Variants in DNMT3A observed in about 807,000 individuals in gnomAD.
DNMT3A encodes the protein DNA (cytosine-5)-methyltransferase 3A.
Under a neutral mutation model 117.6 loss-of-function variants are expected in DNMT3A, and 267 were observed. The ratio of observed to expected loss-of-function variants is 2.27; its 90% confidence interval spans 2.05 to 2.51. DNMT3A has a LOEUF of 2.51. Ranked by LOEUF, DNMT3A falls within the 30% of genes most tolerant of loss-of-function variation. The pLI is 0.00. For missense variants in DNMT3A, 1,029 were observed against 1,260.2 expected (o/e 0.82, Z 2.78); for synonymous variants, 432 against 474.8 (o/e 0.91, Z 1.17).
intron 1 of DNMT3A, among the ~76,000 whole-genome samples, chr2:25,319,166 C>G (rs561719419): frequency 1.3e-5 from 2 of 151,544 alleles, no homozygotes; most frequent in Admixed American, 6.6e-5. Context: ...AGGTGCCCAC[C>G]ACCACACCCG....
rs747889684 is a variant in DNMT3A at position 25,244,169 on chromosome 2, G to C, written c.1837C>G (p.His613Asp). The change falls in exon 15 of 23, where the codon CAC becomes GAC. Residue 613 changes from histidine to aspartate, a missense_variant. His to Asp is a moderately conservative substitution (Grantham distance 81). Transcript: ENST00000321117. ...SRLQMFFANN[H>D]DQEFDPPKVY... ...CCAGCACTCACAAATTCCTGGTCGT[G>C]GTTATTAGCGAAGAACATCTGGAGC... 1 of 1,613,948 alleles carries C rather than the reference G, an allele frequency of 6.2e-7. No homozygotes were observed. Among genetic ancestry groups the C allele is most frequent in the Non-Finnish European group, 8.5e-7 (1 of 1,180,032 alleles).
intron 6 of DNMT3A, among the ~76,000 whole-genome samples, chr2:25,266,923 C>CT (rs750801993): frequency 6.6e-6 from 1 of 152,144 alleles, no homozygotes; most frequent in Admixed American, 6.5e-5. Flanking sequence ...TTCTAGGTAT[C>CT]TGTCTTAGAG....
intron 1 of DNMT3A, among the ~76,000 whole-genome samples, chr2:25,338,161 G>T (rs1438209657): frequency 6.6e-6 from 1 of 152,172 alleles, no homozygotes; most frequent in East Asian, 1.9e-4. Flanking sequence ...TGACTGGCAC[G>T]TGAATGGCCC....
At chr2:25,250,588 C>T (rs1299823001) in intron 6 of DNMT3A, among the ~76,000 whole-genome samples, 1 of 152,234 alleles carries the variant, frequency 6.6e-6, no homozygotes, top group Non-Finnish European at 1.5e-5. Flanking sequence ...CGAGAAGGTG[C>T]ACTGAAGTGT....
chr2:25,243,159 G>A (rs1674283986), intron 16 of DNMT3A, among the ~76,000 whole-genome samples: 1 of 152,068 alleles, frequency 6.6e-6, no homozygotes, highest in Admixed American at 6.5e-5. Flanking sequence ...ACAAAAATTA[G>A]CTGGGCGTGG....
At chr2:25,312,289 G>A (rs1380086485) in intron 2 of DNMT3A, among the ~76,000 whole-genome samples, 1 of 152,224 alleles carries the variant, frequency 6.6e-6, no homozygotes, top group Non-Finnish European at 1.5e-5. Context: ...AGTCCTGAGC[G>A]GGGGCAGCCT....
At chr2:25,314,654 C>T (rs2034294634) in intron 1 of DNMT3A, 2 of 985,316 alleles carry the variant, frequency 2.0e-6, no homozygotes, top group Non-Finnish European at 2.4e-6. Flanking sequence ...TGTCACCTCA[C>T]TTCAGGACCG....
chr2:25,238,278 T>C (rs145445445), intron 20 of DNMT3A, among the ~76,000 whole-genome samples: 52 of 152,252 alleles, frequency 3.4e-4, no homozygotes, highest in Admixed American at 5.9e-4. Flanking sequence ...AAGCCCTCGA[T>C]AGCAACTCTA....
rs963925033 is a variant in DNMT3A, at chr2:25,237,542, C to T, written c.2409-537G>A. Among the ~76,000 whole-genome samples the T allele has an allele frequency of 3.9e-5, 6 of 152,236 alleles. No individual in the cohort carries two copies. Among genetic ancestry groups the T allele is most frequent in the South Asian group, 2.1e-4 (1 of 4,818 alleles). ...CAGCCCTTTGGAAGGCTGAGGCAGG[C>T]GGGTCACCTGAGGTCAGGAGTTTGA... On this transcript the variant is annotated intron_variant, in intron 20 of 22. Transcript: ENST00000321117. This position sits in a 1 kb window ranked among gnomAD's most constrained non-coding sequence, Gnocchi z 5.4.
intron 1 of DNMT3A, among the ~76,000 whole-genome samples, chr2:25,330,660 C>T (rs1311955035): frequency 6.6e-6 from 1 of 152,236 alleles, no homozygotes; most frequent in African/African-American, 2.4e-5. Flanking sequence ...CCCACCAGGG[C>T]TCTGTGCCCC....
At chr2:25,301,225 C>T (rs1048571330) in intron 2 of DNMT3A, among the ~76,000 whole-genome samples, 2 of 150,638 alleles carry the variant, frequency 1.3e-5, no homozygotes, top group South Asian at 2.1e-4. Flanking sequence ...GCCAAGATCA[C>T]GCCACTGCAC....
intron 6 of DNMT3A, among the ~76,000 whole-genome samples, chr2:25,274,670 G>C (rs941624680): frequency 6.6e-6 from 1 of 152,180 alleles, no homozygotes; most frequent in African/African-American, 2.4e-5. Flanking sequence ...TCAGCCCCTT[G>C]TTTCTTTATG....
intron 2 of DNMT3A, among the ~76,000 whole-genome samples, chr2:25,309,448 G>A (rs2033962707): frequency 6.6e-6 from 1 of 151,842 alleles, no homozygotes. Flanking sequence ...TGGAGATGAA[G>A]TGCCCCCAAC....
At position 25,282,395 on chromosome 2, in the gene DNMT3A, A is replaced by T; in HGVS notation, c.448+46T>A. The T allele has an allele frequency of 6.3e-7, 1 of 1,592,588 alleles. No individual in the cohort carries two copies. Among genetic ancestry groups the T allele is most frequent in the Non-Finnish European group, 8.5e-7 (1 of 1,169,690 alleles). ...GAGCCAAGTCCCTGACTCTCAGGGT[A>T]TGCTGGTGGGCCCAGAAGAGGCTGC... On this transcript the variant is annotated intron_variant, in intron 4 of 22. Transcript: ENST00000321117. This position sits in a 1 kb window ranked among gnomAD's most constrained non-coding sequence, Gnocchi z 5.2.
chr2:25,243,831 G>A (rs1674365664), intron 16 of DNMT3A, 67 bp downstream of exon 16: 1 of 1,507,476 alleles, frequency 6.6e-7, no homozygotes, highest in Non-Finnish European at 9.0e-7. Flanking sequence ...TGCCAGAGTT[G>A]CCCACACACC....
Position 25,246,058 on chromosome 2 carries a change from AG to A in DNMT3A, c.1435del (p.Leu479TrpfsTer172). The part of the protein sequence containing the change: ...EIIDERTRER[L>X]VYEVRQKCRN... ...GCACTTCTGCCGCACCTCGTACACC[AG>A]CCGCTCTGCAAGGGGAGGAGAGCTG... On this transcript the variant is annotated frameshift_variant, in exon 12 of 23. Transcript: ENST00000321117. LOFTEE classifies it high-confidence loss of function. 6.2e-7 allele frequency: 1 copy of A among 1,614,174 alleles called. No homozygotes were observed. Among genetic ancestry groups the A allele is most frequent in the Non-Finnish European group, 8.5e-7 (1 of 1,180,002 alleles).
chr2:25,246,863 G>A (rs1674857811), intron 9 of DNMT3A, 87 bp from the exon 10 acceptor site: 2 of 1,564,352 alleles, frequency 1.3e-6, no homozygotes, highest in Non-Finnish European at 1.7e-6. Flanking sequence ...TGAGTAGTGA[G>A]GGTGGCACAG....
intron 6 of DNMT3A, among the ~76,000 whole-genome samples, chr2:25,248,850 C>T (rs915461025): frequency 1.3e-5 from 2 of 151,982 alleles, no homozygotes; most frequent in Admixed American, 6.5e-5. Flanking sequence ...GTCTAGCCTA[C>T]GTTAATGTTT....
intron 1 of DNMT3A, among the ~76,000 whole-genome samples, chr2:25,326,271 A>G (rs959678419): frequency 6.6e-5 from 10 of 152,080 alleles, no homozygotes; most frequent in African/African-American, 2.4e-4. Context: ...ATTCAGTGAG[A>G]CTGTGACTGA....
Sources: allele counts gnomAD v4.1 joint callset (sites outside exome capture counted in the v4.1 genomes callset), GRCh38; gene constraint gnomAD v4.1.1; non-coding constraint Gnocchi (gnomAD v3.1); transcripts MANE v1.5; gene names NCBI Gene and HGNC (gene_info 2026-07-23, HGNC 2026-07-21).